Variants in PLA2G4B observed in about 807,000 individuals in gnomAD.
The protein encoded by PLA2G4B is cytosolic phospholipase A2 beta.
Under a neutral mutation model 95.8 loss-of-function variants are expected in PLA2G4B, and 122 were observed. The observed-to-expected ratio is 1.27, with a 90% confidence interval of 1.10 to 1.48. The LOEUF (loss-of-function observed/expected upper bound fraction) is 1.48, where lower values mean the gene tolerates loss of function less well. Ranked by LOEUF, PLA2G4B falls within the 40% of genes most tolerant of loss-of-function variation. The pLI is 0.00. For synonymous variants in PLA2G4B, 518 were observed against 421.5 expected (o/e 1.23, Z -2.80); for missense variants, 1,158 against 996.2 (o/e 1.16, Z -2.19).
At chr15:41,842,424 C>T in intron 9 of PLA2G4B, 130 bp from the exon 10 acceptor site, 2 of 1,554,508 alleles carry the variant, frequency 1.3e-6, no homozygotes, top group Non-Finnish European at 1.7e-6. Flanking sequence ...CTCTGAGCAT[C>T]CCTGCTTCAG....
chr15:41,846,879 C>T (rs1461864260), intron 18 of PLA2G4B, 44 bp downstream of exon 18: 3 of 1,570,776 alleles, frequency 1.9e-6, no homozygotes, highest in East Asian at 4.5e-5. Flanking sequence ...GTGGGTGGCC[C>T]CTGTCCCCTG....
intron 1 of PLA2G4B, 139 bp from the exon 2 acceptor site, chr15:41,840,019 A>C: frequency 2.1e-6 from 2 of 947,346 alleles, no homozygotes; most frequent in Non-Finnish European, 3.1e-6. Flanking sequence ...CCTCTTGTTG[A>C]TTCAGGATTC....
rs1475796347 is a variant in PLA2G4B at position 41,841,287 on chromosome 15, T to C, written c.435+14T>C. ...GGCGTTCTGGTGGTGAGTGTGCCAG[T>C]GCTCTGGGAGGCGGTCTGGGGTCCC... is the stretch of plus-strand genomic sequence containing the variant. On this transcript the variant is annotated intron_variant, in intron 6 of 19. Coordinates refer to ENST00000458483, the MANE Select transcript of PLA2G4B (RefSeq NM_001114633.2). 1 of 1,612,388 alleles carries C rather than the reference T, an allele frequency of 6.2e-7. No individual in the cohort carries two copies. The highest frequency in any genetic ancestry group is 1.1e-5 in the South Asian group (1 of 91,008).
intron 6 of PLA2G4B, 92 bp downstream of exon 6, chr15:41,841,365 C>G (rs563166170): frequency 1.9e-6 from 3 of 1,609,408 alleles, no homozygotes; most frequent in South Asian, 2.2e-5. Context: ...CTGCCTCAGC[C>G]TGGGGACCCT....
Position 41,847,465 on chromosome 15 carries a change from C to T in PLA2G4B, c.2076C>T (p.Ala692=), listed in dbSNP as rs1459481619. The T allele has an allele frequency of 2.5e-6, 4 of 1,613,050 alleles. No individual in the cohort carries two copies. Among genetic ancestry groups the T allele is most frequent in the Non-Finnish European group, 2.5e-6 (3 of 1,179,524 alleles). Residue 692 remains alanine, a synonymous_variant, in exon 19 of 20, where the codon GCC becomes GCT. Transcript: ENST00000458483. ...HTFSDPTCPG[A]PAVLHFPLVS... ...TCTCCGACCCCACCTGCCCCGGAGC[C>T]CCTGCGGTGCTGCACTTTCCTCTGG...
Position 41,839,649 on chromosome 15 carries a change from C to G in PLA2G4B, c.10-509C>G, listed in dbSNP as rs561963769. On this transcript the variant is annotated intron_variant, in intron 1 of 19. Transcript: ENST00000458483. ...AAGGCCCTGATGTGCTACTTCCCCTCCCTCGATAGCTTATGTCCCCTGCCA... is the reference window on the plus strand; with the variant it reads ...AAGGCCCTGATGTGCTACTTCCCCTGCCTCGATAGCTTATGTCCCCTGCCA... 4 of 158,866 alleles carry G rather than the reference C, an allele frequency of 2.5e-5. No individual in the cohort carries two copies. The East Asian group carries it at 7.6e-4, about 30-fold the overall frequency. The allele number at this position is 158,866 out of a possible 1,614,324, so 9.8% of individuals were successfully genotyped here.
chr15:41,846,267 G>A lies in PLA2G4B; in HGVS notation c.1665G>A (p.Glu555=), dbSNP rs372405306. Residue 555 remains glutamate, a synonymous_variant, in exon 17 of 20, where the codon GAG becomes GAA. Transcript: ENST00000458483. ...CCTCAACAGCCGGCAGGATAGCTGA[G>A]TTTTTCACCGATCTTCTGACGTGGC... The part of the protein sequence containing the change: ...EPPSTAGRIA[E]FFTDLLTWRP... The A allele has an allele frequency of 6.2e-6, 10 of 1,613,994 alleles. No homozygotes were observed. Among genetic ancestry groups the A allele is most frequent in the Non-Finnish European group, 8.5e-6 (10 of 1,179,998 alleles).
intron 10 of PLA2G4B, among the ~76,000 whole-genome samples, chr15:41,843,382 G>T (rs1016472004): frequency 3.3e-5 from 5 of 152,172 alleles, no homozygotes; most frequent in African/African-American, 7.2e-5. Flanking sequence ...GACTTGGAGG[G>T]GGGGGATCTA....
At position 41,841,916 on chromosome 15, in the gene PLA2G4B, C is replaced by A; in HGVS notation, c.588C>A (p.Ala196=). 6.2e-7 allele frequency: 1 copy of A among 1,613,250 alleles called. No individual in the cohort carries two copies. The highest frequency in any genetic ancestry group is 1.3e-5 in the African/African-American group (1 of 75,020). ...GTGTFRFHCP[A]CWEQELSIRL... is the part of the protein sequence containing the mutation. Reference sequence around the variant, plus strand: ...GCACCTTCCGCTTCCACTGCCCAGCCTGCTGGGAGCAGGAGCTGAGTATTC... The same window carrying A: ...GCACCTTCCGCTTCCACTGCCCAGCATGCTGGGAGCAGGAGCTGAGTATTC... The change falls in exon 8 of 20, where the codon GCC becomes GCA. Residue 196 remains alanine, a synonymous_variant. Coordinates refer to ENST00000458483, the MANE Select transcript of PLA2G4B (RefSeq NM_001114633.2).
Position 41,848,053 on chromosome 15 carries a change from A to AATC in PLA2G4B, c.*195_*197dup. 1.4e-6 allele frequency: 1 copy of AATC among 719,580 alleles called. No individual in the cohort carries two copies. The highest frequency in any genetic ancestry group is 1.9e-5 in the South Asian group (1 of 52,746). 44.6% of individuals were successfully genotyped at this position (719,580 alleles called of 1,614,324 possible). ...GTAAGGAGGCCAAGCCCATTTGTGT[A>AATC]ATCACCCAAAACCCCCCGGCCTGTG... On this transcript the variant is annotated 3_prime_UTR_variant, in exon 20 of 20. Transcript: ENST00000458483.
At position 41,847,351 on chromosome 15, in the gene PLA2G4B, G is replaced by C. The variant is rs1820145711; in HGVS notation, c.1962G>C (p.Leu654=). 6.2e-7 allele frequency: 1 copy of C among 1,605,100 alleles called. No homozygotes were observed. The highest frequency in any genetic ancestry group is 1.3e-5 in the African/African-American group (1 of 74,754). Residue 654 remains leucine (L), a synonymous_variant, in exon 19 of 20, where the codon CTG becomes CTC. Transcript: ENST00000458483. ...CTGCCCTGCAGCAGTTGCAGCTCCT[G>C]GGCCGGTTCTGCCAGGAGCAGGGGA... ...LHGAFQQLQL[L]GRFCQEQGIP...
intron 18 of PLA2G4B, 55 bp from the exon 19 acceptor site, chr15:41,847,282 T>G: frequency 1.3e-6 from 2 of 1,541,142 alleles, no homozygotes; most frequent in Non-Finnish European, 1.7e-6. Context: ...TCAGCCCCAG[T>G]GTTGAGGATG....
Position 41,847,946 on chromosome 15 carries a change from G to C in PLA2G4B, c.*86G>C, listed in dbSNP as rs1335272772. The C allele has an allele frequency of 1.3e-6, 2 of 1,494,610 alleles. No homozygotes were observed. The highest frequency in any genetic ancestry group is 1.8e-6 in the Non-Finnish European group (2 of 1,119,910). 92.6% of individuals were successfully genotyped at this position (1,494,610 alleles called of 1,614,324 possible). A position where few individuals can be genotyped will look rare whatever the true frequency, so the allele number is the denominator to read the frequency against. On this transcript the variant is annotated 3_prime_UTR_variant, in exon 20 of 20. Transcript: ENST00000458483. The stretch of plus-strand genomic sequence containing the variant: ...GGAACTGTCATCACGCAGTGCTTCA[G>C]AGCCTCGGGCTCAGGTGGCACGGTC...
rs2065482135 is a variant in PLA2G4B, at chr15:41,843,813, T to C, written c.879+2T>C. On this transcript the variant is annotated splice_donor_variant, in intron 11 of 19. Transcript: ENST00000458483. LOFTEE classifies it high-confidence loss of function. ...GACGGAGACCTGCAGGAGGATGAGG[T>C]TTGGGGGCTGGGCTGGATGGGGTGT... The C allele has an allele frequency of 6.2e-7, 1 of 1,613,094 alleles. No homozygotes were observed. Among genetic ancestry groups the C allele is most frequent in the Non-Finnish European group, 8.5e-7 (1 of 1,179,596 alleles).
At chr15:41,840,999 TG>T in intron 4 of PLA2G4B, 55 bp from the exon 5 acceptor site, 1 of 1,572,156 alleles carries the variant, frequency 6.4e-7, no homozygotes, top group African/African-American at 1.3e-5. Context: ...TCATACTCAC[TG>T]ACATATGTGC....
At position 41,846,111 on chromosome 15, in the gene PLA2G4B, CG is replaced by C. The variant is rs746908849; in HGVS notation, c.1600+70del. ...AGCCAGCTGGGGCTGCACCAGGGGGCGGGGGGTTCACACCTCTTCCCCCTCC... is the reference window on the plus strand; with the variant it reads ...AGCCAGCTGGGGCTGCACCAGGGGGCGGGGGTTCACACCTCTTCCCCCTCC... On this transcript the variant is annotated intron_variant, in intron 16 of 19. Coordinates refer to ENST00000458483, the MANE Select transcript of PLA2G4B (RefSeq NM_001114633.2). 6.4e-6 allele frequency: 10 copies of C among 1,574,008 alleles called. No homozygotes were observed. The East Asian group carries it at 6.8e-5, about 11-fold the overall frequency.
intron 10 of PLA2G4B, 116 bp from the exon 11 acceptor site, chr15:41,843,560 A>C: frequency 6.6e-7 from 1 of 1,506,392 alleles, no homozygotes; most frequent in Non-Finnish European, 8.9e-7. Context: ...CGGGAGTGGC[A>C]TTGAGGGTTG....
chr15:41,839,807 G>A, intron 1 of PLA2G4B: 1 of 258,586 alleles, frequency 3.9e-6, no homozygotes, highest in Admixed American at 5.1e-5. Flanking sequence ...GCCTGCCCGG[G>A]CTCCAACCCC....
In PLA2G4B at chr15:41,847,854, C is replaced by G. The variant is rs760677339; in HGVS notation, c.2340C>G (p.Pro780=). The change falls in exon 20 of 20, where the codon CCC becomes CCG. Residue 780 remains proline (P), a synonymous_variant. Coordinates refer to ENST00000458483, the MANE Select transcript of PLA2G4B (RefSeq NM_001114633.2). ...QAVQRRRQRR[P]H ...TGCAGCGGAGGCGGCAGCGCAGGCC[C>G]CACTGATGGCCGGGGCCCCTGCCAC... The G allele has an allele frequency of 6.2e-7, 1 of 1,612,134 alleles. No homozygotes were observed. The highest frequency in any genetic ancestry group is 1.1e-5 in the South Asian group (1 of 91,018).
Sources: allele counts gnomAD v4.1 joint callset (sites outside exome capture counted in the v4.1 genomes callset), GRCh38; gene constraint gnomAD v4.1.1; transcripts MANE v1.5; gene names NCBI Gene and HGNC (gene_info 2026-07-23, HGNC 2026-07-21).